Variants in SYN3 observed in about 807,000 individuals in gnomAD.
The protein encoded by SYN3 is synapsin III.
Under a neutral mutation model 65.8 loss-of-function variants are expected in SYN3, and 35 were observed. That is an observed-to-expected ratio of 0.53 (90% CI 0.41 to 0.70). The LOEUF is 0.70. Ranked by LOEUF, SYN3 falls within the 30% of genes least tolerant of loss-of-function variation. SYN3 has a pLI of 0.00. For missense variants in SYN3, 680 were observed against 749.0 expected, an observed-to-expected ratio of 0.91 and a Z score of 1.08; for synonymous variants, 270 against 292.9, an observed-to-expected ratio of 0.92 and a Z score of 0.80.
At position 32,915,150 on chromosome 22, in the gene SYN3, A is replaced by C. The variant is rs752183328; in HGVS notation, c.461+16240T>G. On this transcript the variant is annotated intron_variant, in intron 4 of 13. Transcript: ENST00000358763. ...GGTGGAGGTCTGGGAGAAGGATAGCATTAGGAGAAATACCTAATGTAGATG... is the reference window on the plus strand; with the variant it reads ...GGTGGAGGTCTGGGAGAAGGATAGCCTTAGGAGAAATACCTAATGTAGATG... Among the ~76,000 whole-genome samples the C allele has an allele frequency of 3.3e-5, 5 of 152,318 alleles. No homozygotes were observed. In the East Asian group the frequency reaches 9.7e-4, roughly 29 times the overall value.
intron 1 of SYN3, among the ~76,000 whole-genome samples, chr22:33,007,438 C>T (rs760967511): frequency 1.3e-5 from 2 of 152,002 alleles, no homozygotes; most frequent in Non-Finnish European, 2.9e-5. Flanking sequence ...TACTATGGAC[C>T]GGCATGTCCC....
At chr22:33,015,292 G>T in intron 1 of SYN3, 1 of 600,856 alleles carries the variant, frequency 1.7e-6, no homozygotes, top group Non-Finnish European at 2.6e-6. Context: ...TATTTTAAAC[G>T]GCGTTTGAAC....
At chr22:32,635,760 C>T (rs1317945161) in intron 6 of SYN3, among the ~76,000 whole-genome samples, 1 of 152,174 alleles carries the variant, frequency 6.6e-6, no homozygotes, top group East Asian at 1.9e-4. Context: ...GAGGAGACAA[C>T]TAAGTAGACT....
intron 8 of SYN3, among the ~76,000 whole-genome samples, chr22:32,540,232 C>G (rs1433647149): frequency 6.6e-6 from 1 of 152,200 alleles, no homozygotes; most frequent in African/African-American, 2.4e-5. Context: ...AGTGCTAAAG[C>G]AACCACAGGC....
intron 6 of SYN3, among the ~76,000 whole-genome samples, chr22:32,694,825 T>G (rs2060714307): frequency 6.6e-6 from 1 of 152,204 alleles, no homozygotes; most frequent in African/African-American, 2.4e-5. Context: ...AACTTATGAG[T>G]TCCATGCGCT....
At position 32,569,256 on chromosome 22, in the gene SYN3, A is replaced by AATCTATCTATCTATCT. The variant is rs71320935; in HGVS notation, c.774+27402_774+27417dup. On this transcript the variant is annotated intron_variant, in intron 7 of 13. Coordinates refer to ENST00000358763, the MANE Select transcript of SYN3 (RefSeq NM_003490.4). ...TTTCTATCTATCTCTATGCATCCAA[A>AATCTATCTATCTATCT]ATCTATCTATCTATCTATCTATCTA... 8.0e-3 allele frequency among the ~76,000 whole-genome samples: 1,133 copies of AATCTATCTATCTATCT among 141,064 alleles called. 18 individuals carry two copies. Among genetic ancestry groups the AATCTATCTATCTATCT allele is most frequent in the Middle Eastern group, 0.011 (3 of 266 alleles). 92.5% of individuals were successfully genotyped at this position (141,064 alleles called of 152,430 possible).
At chr22:32,943,249 TG>T (rs1483936146) in intron 3 of SYN3, among the ~76,000 whole-genome samples, 1 of 152,220 alleles carries the variant, frequency 6.6e-6, no homozygotes, top group Non-Finnish European at 1.5e-5. Flanking sequence ...GTGGATCTCT[TG>T]GCAGAAACTC....
intron 6 of SYN3, among the ~76,000 whole-genome samples, chr22:32,648,168 T>C (rs981196273): frequency 6.6e-6 from 1 of 152,198 alleles, no homozygotes; most frequent in East Asian, 1.9e-4. Flanking sequence ...GCTTAGCTTT[T>C]GAGACTCTAT....
At chr22:32,549,852 G>A (rs1443726770) in intron 7 of SYN3, among the ~76,000 whole-genome samples, 1 of 148,338 alleles carries the variant, frequency 6.7e-6, no homozygotes, top group East Asian at 2.0e-4. Flanking sequence ...TTGCACCGTT[G>A]TACTCCAGCC....
chr22:33,028,685 G>GTGGTGGTGGTGGTGA (rs1569413476), intron 1 of SYN3, among the ~76,000 whole-genome samples: 2 of 92,784 alleles, frequency 2.2e-5, no homozygotes, highest in Non-Finnish European at 4.3e-5. Flanking sequence ...GGTGGTGGTG[G>GTGGTGGTGGTGGTGA]TGGTGATGGT....
At chr22:32,520,848 C>T (rs143741682) in intron 12 of SYN3, among the ~76,000 whole-genome samples, 4 of 152,198 alleles carry the variant, frequency 2.6e-5, no homozygotes, top group Admixed American at 2.0e-4. Context: ...GCCATTAACT[C>T]GCTGTGTGAC....
intron 6 of SYN3, among the ~76,000 whole-genome samples, chr22:32,690,419 T>A (rs1223932381): frequency 1.3e-5 from 2 of 152,194 alleles, no homozygotes; most frequent in Admixed American, 6.5e-5. Context: ...GCACATACTC[T>A]TTCTCCACAC....
chr22:32,975,191 A>G (rs1386471356), intron 3 of SYN3, among the ~76,000 whole-genome samples: 1 of 152,130 alleles, frequency 6.6e-6, no homozygotes, highest in Non-Finnish European at 1.5e-5. Context: ...CCTGGCCAAC[A>G]TGGTGAAACC....
intron 12 of SYN3, chr22:32,519,429 C>T (rs2057838441): frequency 6.6e-6 from 1 of 152,012 alleles, no homozygotes; most frequent in Non-Finnish European, 1.5e-5. Flanking sequence ...CTTTCAAAAG[C>T]AACATATCAC....
chr22:32,540,767 T>A lies in SYN3; in HGVS notation c.917+804A>T, dbSNP rs545280636. ...GCTCTGCCCACACTGCATGCCTTCT[T>A]ATAAAGTTTTCTGCTTTTCTCTAAT... is the stretch of plus-strand genomic sequence containing the variant. On this transcript the variant is annotated intron_variant, in intron 8 of 13. Coordinates refer to ENST00000358763, the MANE Select transcript of SYN3 (RefSeq NM_003490.4). 2.6e-5 allele frequency among the ~76,000 whole-genome samples: 4 copies of A among 152,312 alleles called. No homozygotes were observed. The South Asian group carries it at 8.3e-4, about 32-fold the overall frequency.
chr22:32,755,841 T>C (rs539005371), intron 6 of SYN3, among the ~76,000 whole-genome samples: 1 of 152,246 alleles, frequency 6.6e-6, no homozygotes, highest in South Asian at 2.1e-4. Flanking sequence ...ACAATTTTTT[T>C]TAAAAAAGTT....
intron 4 of SYN3, among the ~76,000 whole-genome samples, chr22:32,873,793 T>C (rs183989369): frequency 1.3e-5 from 2 of 152,164 alleles, no homozygotes; most frequent in Non-Finnish European, 1.5e-5. Flanking sequence ...AAGTACCAGC[T>C]GGGAAAAGAG....
At chr22:32,899,229 G>A (rs1266205992) in intron 4 of SYN3, among the ~76,000 whole-genome samples, 2 of 152,180 alleles carry the variant, frequency 1.3e-5, no homozygotes, top group Non-Finnish European at 2.9e-5. Flanking sequence ...GTTCACAAAC[G>A]GCAGCTCCCT....
rs182576189 is a variant in SYN3, at chr22:32,527,922, C to T, written c.1314G>A (p.Pro438=). 1.4e-5 allele frequency: 22 copies of T among 1,587,178 alleles called. No individual in the cohort carries two copies. The highest frequency in any genetic ancestry group is 1.7e-4 in the Middle Eastern group (1 of 6,032). ...QLGQPQPRPP[P]QGGPRQAQSP... ...GTGGCTCGTCCTGGGTCATACCTTG[C>T]GGAGGTGGGCGTGGCTGGGGCTGGC... Residue 438 remains proline, a synonymous_variant, in exon 12 of 14, where the codon CCG becomes CCA. Transcript: ENST00000358763.
Sources: allele counts gnomAD v4.1 joint callset (sites outside exome capture counted in the v4.1 genomes callset), GRCh38; gene constraint gnomAD v4.1.1; transcripts MANE v1.5; gene names NCBI Gene and HGNC (gene_info 2026-07-23, HGNC 2026-07-21).